The following QPCT variants were observed in gnomAD, a reference collection of about 807,000 sequenced individuals.
QPCT encodes glutaminyl-peptide cyclotransferase.
Under a neutral mutation model 43.4 loss-of-function variants are expected in QPCT, and 44 were observed. The observed-to-expected ratio is 1.01, with a 90% CI of 0.80 to 1.30. The LOEUF is 1.30. Ranked by LOEUF, QPCT falls within the 50% of genes most tolerant of loss-of-function variation. The pLI is 0.00. For synonymous variants in QPCT, 168 were observed against 168.4 expected, an observed-to-expected ratio of 1.00 and a Z score of 0.02; for missense variants, 526 against 436.5, an observed-to-expected ratio of 1.21 and a Z score of -1.83.
At chr2:37,348,663 A>G (rs923824827) in intron 1 of QPCT, among the ~76,000 whole-genome samples, 4 of 152,192 alleles carry the variant, frequency 2.6e-5, no homozygotes, top group African/African-American at 9.7e-5. Context: ...TTAAAACCAC[A>G]TGATTAGCCT....
intron 1 of QPCT, among the ~76,000 whole-genome samples, chr2:37,345,405 T>A (rs1278022344): frequency 1.3e-5 from 2 of 152,242 alleles, no homozygotes; most frequent in Non-Finnish European, 2.9e-5. Flanking sequence ...ACTGGAGACC[T>A]GCTTACTTCA....
chr2:37,349,135 T>C (rs1415263162), intron 1 of QPCT, among the ~76,000 whole-genome samples: 2 of 152,244 alleles, frequency 1.3e-5, no homozygotes, highest in African/African-American at 4.8e-5. Context: ...TTGTTTCCTC[T>C]TCTCTGTCCT....
chr2:37,359,434 A>G, intron 2 of QPCT, 146 bp from the exon 3 acceptor site: 1 of 737,068 alleles, frequency 1.4e-6, no homozygotes, highest in Non-Finnish European at 2.2e-6. Context: ...CAAAGCAATT[A>G]TTAATTGCAA....
chr2:37,362,720 G>A (rs1672876940), intron 3 of QPCT, among the ~76,000 whole-genome samples: 1 of 152,210 alleles, frequency 6.6e-6, no homozygotes, highest in Non-Finnish European at 1.5e-5. Flanking sequence ...CACTGTCCTG[G>A]AGAGGGAAGA....
chr2:37,362,110 T>A (rs1018246518), intron 3 of QPCT, among the ~76,000 whole-genome samples: 3 of 152,244 alleles, frequency 2.0e-5, no homozygotes, highest in East Asian at 1.9e-4. Context: ...GTACTGATCA[T>A]TGGAGTCTCC....
intron 2 of QPCT, among the ~76,000 whole-genome samples, chr2:37,354,110 C>A (rs1450244620): frequency 6.6e-6 from 1 of 152,174 alleles, no homozygotes; most frequent in South Asian, 2.1e-4. Context: ...GTGATCCGCC[C>A]GCCTCGGCCT....
intron 4 of QPCT, 57 bp downstream of exon 4, chr2:37,367,465 G>GTAGGCTCCGCTTCCAA: frequency 6.5e-7 from 1 of 1,548,388 alleles, no homozygotes; most frequent in Non-Finnish European, 8.7e-7. Context: ...CCAAGGAAAA[G>GTAGGCTCCGCTTCCAA]GTTGCAAAAG....
In QPCT at chr2:37,350,581, C is replaced by T. The variant is rs906993090; in HGVS notation, c.121-2208C>T. Among the ~76,000 whole-genome samples the T allele has an allele frequency of 8.5e-5, 13 of 152,214 alleles. 1 individual carries two copies. The highest frequency in any genetic ancestry group is 7.9e-4 in the Admixed American group (12 of 15,282). ...ATAAACTGGAAGTGCATAAATGAGA[C>T]AGTGAGGCAGAGTAAAACTAGCATG... is the stretch of plus-strand genomic sequence containing the variant. On this transcript the variant is annotated intron_variant, in intron 1 of 6. Coordinates refer to ENST00000338415, the MANE Select transcript of QPCT (RefSeq NM_012413.4).
At chr2:37,371,531 G>T (rs559277572) in intron 5 of QPCT, among the ~76,000 whole-genome samples, 68 of 151,986 alleles carry the variant, frequency 4.5e-4, no homozygotes, top group African/African-American at 1.5e-3. Context: ...GGTAGTTAGG[G>T]CTTTCTCAAT....
At position 37,359,671 on chromosome 2, in the gene QPCT, T is replaced by G. The variant is rs748894034; in HGVS notation, c.359T>G (p.Phe120Cys). The change falls in exon 3 of 7, where the codon TTC (phenylalanine) becomes TGC (cysteine). Residue 120 changes from phenylalanine (F) to cysteine (C), a missense_variant. Phe to Cys is a radical substitution (Grantham distance 205). Coordinates refer to ENST00000338415, the MANE Select transcript of QPCT (RefSeq NM_012413.4). ...CAGACACCCTATGGGTACCGGTCTT[T>G]CTCAAATATCATCAGCACCCTCAAT... ...LSQTPYGYRS[F>C]SNIISTLNPT... is the part of the protein sequence containing the mutation. 6.2e-7 allele frequency: 1 copy of G among 1,614,162 alleles called. No homozygotes were observed. Among genetic ancestry groups the G allele is most frequent in the Non-Finnish European group, 8.5e-7 (1 of 1,179,998 alleles).
intron 4 of QPCT, 72 bp from the exon 5 acceptor site, chr2:37,369,609 CTGAT>C: frequency 9.2e-7 from 1 of 1,088,254 alleles, no homozygotes; most frequent in Non-Finnish European, 1.4e-6. Flanking sequence ...TTAATTTTGA[CTGAT>C]TGTATTTCCC....
At chr2:37,364,677 A>AG (rs1672926623) in intron 3 of QPCT, among the ~76,000 whole-genome samples, 1 of 152,270 alleles carries the variant, frequency 6.6e-6, no homozygotes, top group South Asian at 2.1e-4. Context: ...AGTAACTGCA[A>AG]GGGGGGTTTT....
In QPCT at chr2:37,353,430, A is replaced by T. The variant is rs139594720; in HGVS notation, c.267+495A>T. Among the ~76,000 whole-genome samples the T allele has an allele frequency of 4.0e-5, 6 of 149,212 alleles. No individual in the cohort carries two copies. The East Asian group carries it at 9.7e-4, about 24-fold the overall frequency. ...CAAACTTCTGACTCTGACACAAAGT[A>T]AAAAAAAAATGAATTTTACATTTTA... On this transcript the variant is annotated intron_variant, in intron 2 of 6. Coordinates refer to ENST00000338415, the MANE Select transcript of QPCT (RefSeq NM_012413.4).
chr2:37,359,682 A>T lies in QPCT; in HGVS notation c.370A>T (p.Ile124Phe), dbSNP rs1476501215. 6.2e-7 allele frequency: 1 copy of T among 1,614,102 alleles called. No homozygotes were observed. Among genetic ancestry groups the T allele is most frequent in the South Asian group, 1.1e-5 (1 of 91,086 alleles). ...PYGYRSFSNI[I>F]STLNPTAKRH... is the part of the protein sequence containing the mutation. ...TGGGTACCGGTCTTTCTCAAATATC[A>T]TCAGCACCCTCAATCCCACTGCTAA... The change falls in exon 3 of 7, where the codon ATC becomes TTC. Residue 124 changes from isoleucine (I) to phenylalanine (F), a missense_variant. Transcript: ENST00000338415.
At chr2:37,372,525 T>C (rs910265578) in intron 6 of QPCT, 53 bp downstream of exon 6, 2 of 1,514,276 alleles carry the variant, frequency 1.3e-6, no homozygotes, top group African/African-American at 1.4e-5. Context: ...CAGCCTGATT[T>C]TGGAGTACAA....
intron 2 of QPCT, among the ~76,000 whole-genome samples, chr2:37,356,973 C>T (rs960194440): frequency 3.3e-5 from 5 of 150,312 alleles, no homozygotes; most frequent in African/African-American, 1.2e-4. Context: ...TGCCACTGCA[C>T]TCCAGCCTGG....
chr2:37,365,907 GAACTTT>G (rs1380346748), intron 3 of QPCT, among the ~76,000 whole-genome samples: 1 of 152,230 alleles, frequency 6.6e-6, no homozygotes, highest in African/African-American at 2.4e-5. Flanking sequence ...TTGTGGTCAT[GAACTTT>G]AAGCAAGGCC....
At chr2:37,350,760 C>T (rs1672603897) in intron 1 of QPCT, among the ~76,000 whole-genome samples, 1 of 152,188 alleles carries the variant, frequency 6.6e-6, no homozygotes, top group Admixed American at 6.5e-5. Flanking sequence ...GCTTTTCCAA[C>T]TTTAAAATTC....
intron 3 of QPCT, among the ~76,000 whole-genome samples, chr2:37,360,948 T>C (rs1327970234): frequency 6.6e-6 from 1 of 152,230 alleles, no homozygotes; most frequent in African/African-American, 2.4e-5. Flanking sequence ...TTGAAGACAT[T>C]GTTCTGTGTA....
Sources: gnomAD v4.1 joint callset for allele counts (sites outside exome capture counted in the v4.1 genomes callset) on GRCh38, gnomAD v4.1.1 for gene constraint, MANE v1.5 for transcripts, NCBI Gene and HGNC (gene_info 2026-07-23, HGNC 2026-07-21) for gene names.